Variants in SECISBP2L observed in about 807,000 individuals in gnomAD.
SECISBP2L encodes selenocysteine insertion sequence-binding protein 2-like.
SECISBP2L carries 43 observed loss-of-function variants against 114.7 expected under a neutral mutation model. The ratio of observed to expected loss-of-function variants is 0.38; its 90% CI spans 0.29 to 0.48. The LOEUF is 0.48. Ranked by LOEUF, SECISBP2L falls within the 20% of genes least tolerant of loss-of-function variation. The pLI is 0.98. For synonymous variants in SECISBP2L, 451 were observed against 439.7 expected, an observed-to-expected ratio of 1.03 and a Z score of -0.32; for missense variants, 1,136 against 1,301.1, an observed-to-expected ratio of 0.87 and a Z score of 1.95.
In SECISBP2L at chr15:48,988,717, C is replaced by G. The variant is rs1209833285; in HGVS notation, c.*3527G>C. The G allele has an allele frequency of 2.4e-6, 1 of 408,722 alleles. No homozygotes were observed. Among genetic ancestry groups the G allele is most frequent in the African/African-American group, 2.1e-5 (1 of 48,438 alleles). 25.3% of individuals were successfully genotyped at this position (408,722 alleles called of 1,614,324 possible). On this transcript the variant is annotated 3_prime_UTR_variant, in exon 18 of 18. Transcript: ENST00000559471. ...TAGTGCAAAAAAGCTGTTATTACCCCCCAAATGTGATATAACAATTATCCT... is the reference window on the plus strand; with the variant it reads ...TAGTGCAAAAAAGCTGTTATTACCCGCCAAATGTGATATAACAATTATCCT...
chr15:49,045,689 A>T (rs1466369835), intron 1 of SECISBP2L, among the ~76,000 whole-genome samples: 2 of 151,370 alleles, frequency 1.3e-5, no homozygotes, highest in Admixed American at 6.6e-5. Context: ...AGCTAGCTTT[A>T]AAAAAAAACC....
intron 13 of SECISBP2L, among the ~76,000 whole-genome samples, chr15:49,009,689 C>T (rs1468930459): frequency 2.0e-5 from 3 of 151,392 alleles, no homozygotes; most frequent in Non-Finnish European, 2.9e-5. Context: ...GCCTGAGAAA[C>T]GTTGTGAGAC....
chr15:49,008,238 A>C (rs576869331), intron 14 of SECISBP2L, among the ~76,000 whole-genome samples: 1 of 152,174 alleles, frequency 6.6e-6, no homozygotes, highest in Admixed American at 6.5e-5. Flanking sequence ...TTAGTGCAAA[A>C]AAGTTTGCAG....
chr15:48,995,660 C>T (rs1401616146), intron 17 of SECISBP2L, among the ~76,000 whole-genome samples: 2 of 151,952 alleles, frequency 1.3e-5, no homozygotes, highest in South Asian at 4.2e-4. Flanking sequence ...ATAAACTAAA[C>T]CAAGAAAGAG....
chr15:49,028,433 A>T lies in SECISBP2L; in HGVS notation c.894+20T>A, dbSNP rs765859094. On this transcript the variant is annotated intron_variant, in intron 5 of 17. Transcript: ENST00000559471. ...ACTGATATCAATGACCAATAAAGAA[A>T]TCAAGACGATGTCACATACATTCAT... The T allele has an allele frequency of 2.5e-6, 4 of 1,608,096 alleles. No individual in the cohort carries two copies. The South Asian group carries it at 4.4e-5, about 18-fold the overall frequency.
At chr15:49,043,161 G>A (rs1016504660) in intron 1 of SECISBP2L, among the ~76,000 whole-genome samples, 2 of 151,646 alleles carry the variant, frequency 1.3e-5, no homozygotes, top group African/African-American at 2.4e-5. Context: ...ATATCCTTAC[G>A]TAAGGGCCAA....
At position 48,996,380 on chromosome 15, in the gene SECISBP2L, A is replaced by G; in HGVS notation, c.2610T>C (p.Asn870=). The G allele has an allele frequency of 6.2e-7, 1 of 1,613,934 alleles. No individual in the cohort carries two copies. Among genetic ancestry groups the G allele is most frequent in the Non-Finnish European group, 8.5e-7 (1 of 1,179,894 alleles). ...SVISEPISEV[N]EKEYETNWRN... is the part of the protein sequence containing the mutation. Reference sequence around the variant, plus strand: ...TCAACAACTTACCATATTCCTTTTCATTTACTTCAGAGATCGGTTCAGAAA... The same window carrying G: ...TCAACAACTTACCATATTCCTTTTCGTTTACTTCAGAGATCGGTTCAGAAA... The change falls in exon 17 of 18, where the codon AAT becomes AAC. Residue 870 remains asparagine (N), a synonymous_variant. Transcript: ENST00000559471.
At chr15:49,003,817 G>A (rs1248135374) in intron 14 of SECISBP2L, among the ~76,000 whole-genome samples, 2 of 152,194 alleles carry the variant, frequency 1.3e-5, no homozygotes, top group East Asian at 3.9e-4. Context: ...TAAGCTTTTT[G>A]ATGTGCTGCT....
intron 16 of SECISBP2L, among the ~76,000 whole-genome samples, chr15:48,997,458 T>C (rs550921256): frequency 2.0e-5 from 3 of 152,256 alleles, no homozygotes; most frequent in Non-Finnish European, 2.9e-5. Context: ...AATTAGAATA[T>C]AGAGCTTGGA....
At chr15:49,035,687 T>G (rs1566862846) in intron 2 of SECISBP2L, 29 bp from the exon 3 acceptor site, 1 of 1,572,468 alleles carries the variant, frequency 6.4e-7, no homozygotes, top group East Asian at 2.3e-5. Context: ...GAAGAACAAA[T>G]CTATTGACAA....
intron 4 of SECISBP2L, among the ~76,000 whole-genome samples, chr15:49,029,303 C>T (rs1273558451): frequency 6.6e-6 from 1 of 152,178 alleles, no homozygotes; most frequent in African/African-American, 2.4e-5. Flanking sequence ...GTTTTCTTAC[C>T]CAGAGCTTAC....
intron 1 of SECISBP2L, among the ~76,000 whole-genome samples, chr15:49,040,201 C>T (rs1903094663): frequency 6.6e-6 from 1 of 152,172 alleles, no homozygotes; most frequent in African/African-American, 2.4e-5. Context: ...CACATATACA[C>T]AGTATGTGCC....
At position 49,014,879 on chromosome 15, in the gene SECISBP2L, T is replaced by C. The variant is rs890790418; in HGVS notation, c.1561+1681A>G. 2.0e-5 allele frequency among the ~76,000 whole-genome samples: 3 copies of C among 149,748 alleles called. No homozygotes were observed. In the Admixed American group the frequency reaches 2.0e-4, roughly 10 times the overall value. On this transcript the variant is annotated intron_variant, in intron 11 of 17. Coordinates refer to ENST00000559471, the MANE Select transcript of SECISBP2L (RefSeq NM_001193489.2). ...TATTTAGCAGTATATACTGTATATATAATATAGACATTATATATACTGTAT... is the reference window on the plus strand; with the variant it reads ...TATTTAGCAGTATATACTGTATATACAATATAGACATTATATATACTGTAT...
intron 2 of SECISBP2L, 116 bp downstream of exon 2, chr15:49,037,475 T>A (rs1201312886): frequency 1.2e-6 from 1 of 837,808 alleles, no homozygotes; most frequent in African/African-American, 1.7e-5. Context: ...TTTTATTTAC[T>A]CCTCTTAATA....
intron 11 of SECISBP2L, among the ~76,000 whole-genome samples, chr15:49,013,832 C>T (rs1902486606): frequency 6.6e-6 from 1 of 152,158 alleles, no homozygotes; most frequent in South Asian, 2.1e-4. Context: ...ATCTCAGTTC[C>T]TCTAAGATCT....
At chr15:49,038,659 T>C (rs1903061574) in intron 1 of SECISBP2L, among the ~76,000 whole-genome samples, 3 of 152,166 alleles carry the variant, frequency 2.0e-5, no homozygotes, top group Admixed American at 1.3e-4. Flanking sequence ...AAGCTGTACA[T>C]TGGTTTTATG....
At chr15:49,031,801 T>C (rs1016636106) in intron 4 of SECISBP2L, among the ~76,000 whole-genome samples, 6 of 152,220 alleles carry the variant, frequency 3.9e-5, no homozygotes, top group Admixed American at 2.0e-4. Flanking sequence ...AAGAATGTCT[T>C]TGTGGTTAAA....
In SECISBP2L at chr15:49,015,911, G is replaced by A. The variant is rs62010926; in HGVS notation, c.1561+649C>T. Among the ~76,000 whole-genome samples, 1,180 of 152,304 alleles carry A rather than the reference G, an allele frequency of 7.7e-3. 9 individuals carry two copies. The highest frequency in any genetic ancestry group is 0.014 in the Non-Finnish European group (937 of 68,024). On this transcript the variant is annotated intron_variant, in intron 11 of 17. Coordinates refer to ENST00000559471, the MANE Select transcript of SECISBP2L (RefSeq NM_001193489.2). Reference sequence around the variant, plus strand: ...AAAGAACCTGAGGGAAGCAAACTATGCTGATACCTGGGGAAAGAGCATCCC... The same window carrying A: ...AAAGAACCTGAGGGAAGCAAACTATACTGATACCTGGGGAAAGAGCATCCC...
Position 49,016,961 on chromosome 15 carries a change from T to C in SECISBP2L, c.1306A>G (p.Ile436Val), listed in dbSNP as rs139762869. Residue 436 changes from isoleucine (I) to valine (V), a missense_variant, in exon 10 of 18, where the codon ATT becomes GTT. Transcript: ENST00000559471. ...GCACGTTTGGGAACTGAGGTGGTAATAGGAATTGGAGTCTGAACTATATTG... is the reference window on the plus strand; with the variant it reads ...GCACGTTTGGGAACTGAGGTGGTAACAGGAATTGGAGTCTGAACTATATTG... Reference protein sequence around the residue: ...PINIVQTPIPITTSVPKRAKS... With the variant: ...PINIVQTPIPVTTSVPKRAKS... 8.1e-4 allele frequency: 1,314 copies of C among 1,614,030 alleles called. 1 individual carries two copies. The highest frequency in any genetic ancestry group is 3.1e-3 in the Admixed American group (187 of 60,006).
Sources: allele counts gnomAD v4.1 joint callset (sites outside exome capture counted in the v4.1 genomes callset), GRCh38; gene constraint gnomAD v4.1.1; transcripts MANE v1.5; gene names NCBI Gene and HGNC (gene_info 2026-07-23, HGNC 2026-07-21).